The following KERA variants were observed in gnomAD, a reference collection of about 807,000 sequenced individuals.
The protein encoded by KERA is keratan sulfate proteoglycan keratocan.
KERA carries 25 observed loss-of-function variants against 26.4 expected under a neutral mutation model. The ratio of observed to expected loss-of-function variants is 0.95; its 90% CI spans 0.69 to 1.32. The LOEUF is 1.32. Among genes scored for constraint, KERA ranks in the 40% most tolerant of loss-of-function variants. The probability of loss-of-function intolerance (pLI) is 0.00; values close to 1 mark genes in which losing one functional copy is unlikely to be tolerated. For synonymous variants in KERA, 167 were observed against 146.1 expected, an observed-to-expected ratio of 1.14 and a Z score of -1.03; for missense variants, 434 against 408.9, an observed-to-expected ratio of 1.06 and a Z score of -0.53.
At chr12:91,055,296 C>T (rs563177789) in intron 2 of KERA, 100 bp downstream of exon 2, 26 of 1,048,782 alleles carry the variant, frequency 2.5e-5, no homozygotes, top group African/African-American at 1.3e-4. Context: ...GGAACATTAG[C>T]GGGGGAGGGG....
chr12:91,053,780 A>G (rs1250209804), intron 2 of KERA, among the ~76,000 whole-genome samples: 1 of 151,318 alleles, frequency 6.6e-6, no homozygotes, highest in Admixed American at 6.6e-5. Context: ...TATACTTCTC[A>G]ACTGTGTTTT....
intron 1 of KERA, among the ~76,000 whole-genome samples, chr12:91,057,518 C>A (rs1485232021): frequency 2.7e-5 from 4 of 150,794 alleles, no homozygotes; most frequent in African/African-American, 9.7e-5. Context: ...TTCAATTTTG[C>A]CATTAAATTG....
In KERA at chr12:91,051,254, A is replaced by C. The variant is rs1454597675; in HGVS notation, c.*92T>G. ...AAAATGGTGGCCGAGAGCAATGGGG[A>C]ATATGACTTGTGTCCTAAACCTATT... On this transcript the variant is annotated 3_prime_UTR_variant, in exon 3 of 3. Transcript: ENST00000266719. The C allele has an allele frequency of 5.7e-6, 6 of 1,046,232 alleles. No individual in the cohort carries two copies. In the Admixed American group the frequency reaches 1.1e-4, roughly 19 times the overall value. The allele number at this position is 1,046,232 out of a possible 1,614,324, so 64.8% of individuals were successfully genotyped here.
chr12:91,051,267 T>C lies in KERA; in HGVS notation c.*79A>G. On this transcript the variant is annotated 3_prime_UTR_variant, in exon 3 of 3. Coordinates refer to ENST00000266719, the MANE Select transcript of KERA (RefSeq NM_007035.4). ...AGAGCAATGGGGAATATGACTTGTGTCCTAAACCTATTAATGGTAACCACA... is the reference window on the plus strand; with the variant it reads ...AGAGCAATGGGGAATATGACTTGTGCCCTAAACCTATTAATGGTAACCACA... 1 of 1,189,406 alleles carries C rather than the reference T, an allele frequency of 8.4e-7. No homozygotes were observed. The highest frequency in any genetic ancestry group is 1.2e-6 in the Non-Finnish European group (1 of 802,056). 73.7% of individuals were successfully genotyped at this position (1,189,406 alleles called of 1,614,324 possible).
chr12:91,056,028 G>T lies in KERA; in HGVS notation c.254C>A (p.Thr85Asn). The change falls in exon 2 of 3, where the codon ACC becomes AAC. Residue 85 changes from threonine (T) to asparagine (N), a missense_variant. By Grantham distance (65) the Thr-to-Asn change is moderately conservative. Transcript: ENST00000266719. ...ATTCTCAAATGGCTTTTCAGGAATG[G>T]TTTCTATCAGGTTGTTTTGAAGATA... ...YLYLQNNLIETIPEKPFENAT... is the reference protein window; with the variant it reads ...YLYLQNNLIENIPEKPFENAT... 1 of 1,609,626 alleles carries T rather than the reference G, an allele frequency of 6.2e-7. No homozygotes were observed. The highest frequency in any genetic ancestry group is 8.5e-7 in the Non-Finnish European group (1 of 1,177,824).
Position 91,056,021 on chromosome 12 carries a change from A to G in KERA, c.261T>C (p.Pro87=). ...GGGTGGCATTCTCAAATGGCTTTTC[A>G]GGAATGGTTTCTATCAGGTTGTTTT... The part of the protein sequence containing the change: ...YLQNNLIETI[P]EKPFENATQL... Residue 87 remains proline, a synonymous_variant, in exon 2 of 3, where the codon CCT becomes CCC. Coordinates refer to ENST00000266719, the MANE Select transcript of KERA (RefSeq NM_007035.4). 6.2e-7 allele frequency: 1 copy of G among 1,610,100 alleles called. No individual in the cohort carries two copies. The highest frequency in any genetic ancestry group is 8.5e-7 in the Non-Finnish European group (1 of 1,177,956).
chr12:91,054,026 G>A (rs551167458), intron 2 of KERA, among the ~76,000 whole-genome samples: 2 of 151,196 alleles, frequency 1.3e-5, no homozygotes, highest in South Asian at 2.1e-4. Flanking sequence ...CAGCTAAACA[G>A]ATTCATCTCT....
chr12:91,055,409 A>G lies in KERA; in HGVS notation c.873T>C (p.His291=). Residue 291 remains histidine (H), a synonymous_variant, in exon 2 of 3, where the codon CAT becomes CAC. Coordinates refer to ENST00000266719, the MANE Select transcript of KERA (RefSeq NM_007035.4). ...CAGGTTACTTACTTTTAATTTTGTT[A>G]TGATCAAGGTGAAGGTGCTGCAGAT... The part of the protein sequence containing the change: ...SAHLQHLHLD[H]NKIKSVNVSV... The G allele has an allele frequency of 1.2e-6, 2 of 1,610,052 alleles. No individual in the cohort carries two copies. The highest frequency in any genetic ancestry group is 1.7e-6 in the Non-Finnish European group (2 of 1,177,298).
chr12:91,055,847 T>G lies in KERA; in HGVS notation c.435A>C (p.Glu145Asp), dbSNP rs781704484. The change falls in exon 2 of 3, where the codon GAA (glutamate) becomes GAC (aspartate). Residue 145 changes from glutamate (E) to aspartate (D), a missense_variant. Physicochemically the swap from Glu to Asp is conservative, Grantham distance 45 (BLOSUM62 2). Transcript: ENST00000266719. ...EVPSPLPRSL[E>D]QLQLARNKVS... is the part of the protein sequence containing the mutation. ...CCTTATTTCTAGCTAATTGTAATTG[T>G]TCTAAACTTCTTGGCAATGGAGAAG... 1 of 1,611,376 alleles carries G rather than the reference T, an allele frequency of 6.2e-7. No homozygotes were observed. The highest frequency in any genetic ancestry group is 1.1e-5 in the South Asian group (1 of 91,030).
chr12:91,051,446 G>A lies in KERA; in HGVS notation c.959C>T (p.Pro320Leu), dbSNP rs376282340. 4 of 1,610,826 alleles carry A rather than the reference G, an allele frequency of 2.5e-6. No homozygotes were observed. The highest frequency in any genetic ancestry group is 2.2e-5 in the South Asian group (2 of 91,022). ...ATCCAGACGGAGGTAGCGAAGATGA[G>A]GTCCATAACTGAAGGAATCTCGTTC... The part of the protein sequence containing the change: ...PAERDSFSYG[P>L]HLRYLRLDGN... The change falls in exon 3 of 3, where the codon CCT (proline) becomes CTT (leucine). Residue 320 changes from proline to leucine, a missense_variant. Transcript: ENST00000266719.
intron 2 of KERA, among the ~76,000 whole-genome samples, chr12:91,053,154 A>T (rs1878907209): frequency 6.6e-6 from 1 of 151,420 alleles, no homozygotes; most frequent in African/African-American, 2.4e-5. Flanking sequence ...GCAAGTACTT[A>T]AACAGTTTTG....
At chr12:91,053,493 C>T (rs1372273844) in intron 2 of KERA, among the ~76,000 whole-genome samples, 2 of 151,240 alleles carry the variant, frequency 1.3e-5, no homozygotes, top group African/African-American at 4.8e-5. Flanking sequence ...ACACAAGTTT[C>T]TCGCAAGGAT....
chr12:91,051,247 A>C lies in KERA; in HGVS notation c.*99T>G. 1.0e-6 allele frequency: 1 copy of C among 984,272 alleles called. No homozygotes were observed. Among genetic ancestry groups the C allele is most frequent in the South Asian group, 1.3e-5 (1 of 74,622 alleles). The allele number at this position is 984,272 out of a possible 1,614,324, so 61.0% of individuals were successfully genotyped here. ...ACAAATGAAAATGGTGGCCGAGAGC[A>C]ATGGGGAATATGACTTGTGTCCTAA... is the stretch of plus-strand genomic sequence containing the variant. On this transcript the variant is annotated 3_prime_UTR_variant, in exon 3 of 3. Transcript: ENST00000266719.
chr12:91,055,854 C>T lies in KERA; in HGVS notation c.428G>A (p.Ser143Asn). Residue 143 changes from serine (S) to asparagine (N), a missense_variant, in exon 2 of 3, where the codon AGT (serine) becomes AAT (asparagine). Ser to Asn is a conservative substitution (Grantham distance 46). Coordinates refer to ENST00000266719, the MANE Select transcript of KERA (RefSeq NM_007035.4). ...TCTAGCTAATTGTAATTGTTCTAAA[C>T]TTCTTGGCAATGGAGAAGGTACCTC... Reference protein sequence around the residue: ...LEEVPSPLPRSLEQLQLARNK... With the variant: ...LEEVPSPLPRNLEQLQLARNK... 1 of 1,611,332 alleles carries T rather than the reference C, an allele frequency of 6.2e-7. No homozygotes were observed. Among genetic ancestry groups the T allele is most frequent in the East Asian group, 2.2e-5 (1 of 44,810 alleles).
intron 2 of KERA, among the ~76,000 whole-genome samples, chr12:91,052,626 C>T (rs1410553772): frequency 1.3e-5 from 2 of 151,496 alleles, no homozygotes; most frequent in African/African-American, 4.8e-5. Context: ...CAAGTATCAC[C>T]TGATCATCTC....
rs1183517231 is a variant in KERA at position 91,051,455 on chromosome 12, C to G, written c.950G>C (p.Ser317Thr). ...SMLPAERDSF[S>T]YGPHLRYLRL... is the part of the protein sequence containing the mutation. ...GAGGTAGCGAAGATGAGGTCCATAA[C>G]TGAAGGAATCTCGTTCTGCAGGCAG... Residue 317 changes from serine (S) to threonine (T), a missense_variant, in exon 3 of 3, where the codon AGT becomes ACT. By Grantham distance (58) the Ser-to-Thr change is moderately conservative. Transcript: ENST00000266719. The G allele has an allele frequency of 1.9e-6, 3 of 1,610,872 alleles. No individual in the cohort carries two copies. The highest frequency in any genetic ancestry group is 2.2e-5 in the South Asian group (2 of 91,024).
In KERA at chr12:91,051,473, G is replaced by A. The variant is rs1878865165; in HGVS notation, c.932C>T (p.Ala311Val). The change falls in exon 3 of 3, where the codon GCA becomes GTA. Residue 311 changes from alanine to valine, a missense_variant. Ala to Val is a moderately conservative substitution (Grantham distance 64). Transcript: ENST00000266719. ...TCCATAACTGAAGGAATCTCGTTCT[G>A]CAGGCAGCATGGATGGGCTGGGACA... ...VICPSPSMLP[A>V]ERDSFSYGPH... 2 of 1,610,608 alleles carry A rather than the reference G, an allele frequency of 1.2e-6. No individual in the cohort carries two copies. The highest frequency in any genetic ancestry group is 2.2e-5 in the East Asian group (1 of 44,806).
rs142001622 is a variant in KERA at position 91,055,912 on chromosome 12, G to T, written c.370C>A (p.Leu124Ile). 38 of 1,611,136 alleles carry T rather than the reference G, an allele frequency of 2.4e-5. No homozygotes were observed. The highest frequency in any genetic ancestry group is 3.1e-5 in the Non-Finnish European group (37 of 1,178,166). The change falls in exon 2 of 3, where the codon CTC (leucine) becomes ATC (isoleucine). Residue 124 changes from leucine to isoleucine, a missense_variant. By Grantham distance (5) the Leu-to-Ile change is conservative. Coordinates refer to ENST00000266719, the MANE Select transcript of KERA (RefSeq NM_007035.4). ...KGALSQLKKL[L>I]FLFLEDNELE... ...TCATTATCTTCCAGAAATAAGAAGA[G>T]CAACTTCTTCAGCTGGCTTAGGGCT...
Position 91,056,225 on chromosome 12 carries a change from C to T in KERA, c.57G>A (p.Trp19Ter). The change falls in exon 2 of 3, where the codon TGG becomes TGA. Residue 19 changes from tryptophan to a stop codon, truncating the protein, a stop_gained. Transcript: ENST00000266719. LOFTEE classifies it high-confidence loss of function. ...CATAGACCTGCCTCACACTTCTAGA[C>T]CACACAGTGTCTGTTATGAATAACA... ...MWVLFITDTV[W>*]SRSVRQVYEV... The T allele has an allele frequency of 6.2e-7, 1 of 1,609,380 alleles. No homozygotes were observed. The highest frequency in any genetic ancestry group is 8.5e-7 in the Non-Finnish European group (1 of 1,177,002).
Sources: gnomAD v4.1 joint callset for allele counts (sites outside exome capture counted in the v4.1 genomes callset) on GRCh38, gnomAD v4.1.1 for gene constraint, MANE v1.5 for transcripts, NCBI Gene and HGNC (gene_info 2026-07-23, HGNC 2026-07-21) for gene names.